MUC22: variants seen among roughly 807,000 people sequenced by gnomAD.
MUC22 encodes mucin 22.
MUC22 carries 24 observed loss-of-function variants against 40.3 expected under a neutral mutation model. The ratio of observed to expected loss-of-function variants is 0.60; its 90% CI spans 0.43 to 0.84. MUC22 has a LOEUF of 0.84. Ranked by LOEUF, MUC22 falls within the 40% of genes least tolerant of loss-of-function variation. The probability of loss-of-function intolerance (pLI) is 0.00; values close to 1 mark genes in which losing one functional copy is unlikely to be tolerated. For missense variants in MUC22, 1,926 were observed against 2,130.7 expected, an observed-to-expected ratio of 0.90 and a Z score of 1.89; for synonymous variants, 765 against 844.5, an observed-to-expected ratio of 0.91 and a Z score of 1.63.
rs544518345 is a variant in MUC22 at position 31,028,714 on chromosome 6, AC to A, written c.3285del (p.Thr1096ProfsTer36). On this transcript the variant is annotated frameshift_variant, in exon 2 of 4. Coordinates refer to ENST00000561890, the Ensembl canonical transcript of MUC22. LOFTEE classifies it high-confidence loss of function. ...AGCCTCTACAGCAGGCTCTGAGACCACCACCACCACCTCTACTGAAGGCTCT... is the reference window on the plus strand; with the variant it reads ...AGCCTCTACAGCAGGCTCTGAGACCACACCACCACCTCTACTGAAGGCTCT... 404 of 1,520,024 alleles carry A rather than the reference AC, an allele frequency of 2.7e-4. 32 individuals carry two copies. In the East Asian group the frequency reaches 0.01, roughly 39 times the overall value. 94.2% of individuals were successfully genotyped at this position (1,520,024 alleles called of 1,614,324 possible).
chr6:31,012,709 A>C (rs1017775912), intron 1 of MUC22, among the ~76,000 whole-genome samples: 1 of 152,176 alleles, frequency 6.6e-6, no homozygotes, highest in Non-Finnish European at 1.5e-5. Flanking sequence ...CTAGATCTAT[A>C]AAGTAACCAA....
chr6:31,028,122 A>C, exon 2 of MUC22: 8 of 1,533,350 alleles, frequency 5.2e-6, no homozygotes, highest in Middle Eastern at 3.3e-4. Context: ...AGACCACTAC[A>C]GTCTCCACCA....
At chr6:31,013,064 T>A (rs1763957480) in intron 1 of MUC22, among the ~76,000 whole-genome samples, 1 of 150,948 alleles carries the variant, frequency 6.6e-6, no homozygotes, top group Admixed American at 6.6e-5. Context: ...ATGATGTCCA[T>A]CCTAACGTCC....
rs113664736 is a variant in MUC22, at chr6:31,014,219, T to C, written c.70+3443T>C. 7.7e-3 allele frequency among the ~76,000 whole-genome samples: 1,164 copies of C among 152,080 alleles called. 14 individuals carry two copies. Among genetic ancestry groups the C allele is most frequent in the African/African-American group, 0.026 (1,082 of 41,442 alleles). On this transcript the variant is annotated intron_variant, in intron 1 of 3. Transcript: ENST00000561890. Reference sequence around the variant, plus strand: ...TTTTTGTTTTTCTAGATATTAATAATAGCCTCATTTTTAAAATGTCCATAG... The same window carrying C: ...TTTTTGTTTTTCTAGATATTAATAACAGCCTCATTTTTAAAATGTCCATAG...
exon 2 of MUC22, chr6:31,026,033 C>G: frequency 6.5e-7 from 1 of 1,529,992 alleles, no homozygotes; most frequent in Non-Finnish European, 8.8e-7. Context: ...ACCTCCACTG[C>G]AAGCTCTGAG....
intron 1 of MUC22, among the ~76,000 whole-genome samples, chr6:31,013,422 T>C (rs4713409): frequency 0.45 from 67,497 of 151,262 alleles, 15,229 homozygotes; most frequent in East Asian, 0.54. Context: ...CTACCGGGCC[T>C]GGCCCCTCAC....
upstream of MUC22, among the ~76,000 whole-genome samples, chr6:31,007,186 G>A (rs899366401): frequency 6.8e-6 from 1 of 146,010 alleles, no homozygotes; most frequent in African/African-American, 2.6e-5. The surrounding 1 kb of genome is among the most constrained non-coding windows in gnomAD (Gnocchi z 4.0). Flanking sequence ...AGACAGAGGA[G>A]GGAAAACAGC....
chr6:31,006,436 A>G (rs1399346690), upstream of MUC22, among the ~76,000 whole-genome samples: 2 of 152,210 alleles, frequency 1.3e-5, no homozygotes, highest in Non-Finnish European at 2.9e-5. Context: ...GGGGTGATGA[A>G]TAGGTGGAGC....
rs775508028 is a variant in MUC22 at position 31,029,533 on chromosome 6, G to A, written c.4102G>A (p.Ala1368Thr). The A allele has an allele frequency of 2.2e-5, 34 of 1,527,706 alleles. No individual in the cohort carries two copies. The highest frequency in any genetic ancestry group is 2.8e-5 in the African/African-American group (2 of 72,232). 94.6% of individuals were successfully genotyped at this position (1,527,706 alleles called of 1,614,324 possible). Residue 1368 changes from alanine (A) to threonine (T), a missense_variant, in exon 2 of 4, where the codon GCC (alanine) becomes ACC (threonine). By Grantham distance (58) the Ala-to-Thr change is moderately conservative. Coordinates refer to ENST00000561890, the Ensembl canonical transcript of MUC22. ...TATCACAGGCTCTAAGACTACCACC[G>A]CCTCTACTGAAGGCTCTGAGGCCAC...
intron 1 of MUC22, among the ~76,000 whole-genome samples, chr6:31,017,642 A>G (rs1445594203): frequency 6.6e-6 from 1 of 152,172 alleles, no homozygotes; most frequent in Non-Finnish European, 1.5e-5. Flanking sequence ...AAATGCACCA[A>G]TCAGTGCTCT....
At chr6:31,028,288 G>C (rs774126640) in exon 2 of MUC22, 1 of 1,534,616 alleles carries the variant, frequency 6.5e-7, no homozygotes, top group Admixed American at 2.0e-5. Context: ...CACAGGCTCT[G>C]AGACCACTAA....
chr6:31,016,844 C>T (rs948898235), intron 1 of MUC22, among the ~76,000 whole-genome samples: 1 of 152,224 alleles, frequency 6.6e-6, no homozygotes, highest in African/African-American at 2.4e-5. Flanking sequence ...CGGGCCAGCA[C>T]TAGTTCCAGG....
At chr6:31,026,635 G>A (rs6928386) in exon 2 of MUC22, 86,496 of 1,503,282 alleles carry the variant, frequency 0.058, 13,227 homozygotes, top group East Asian at 0.28. Flanking sequence ...AGTCTCCACC[G>A]TGGGCTCTGA....
Position 31,013,476 on chromosome 6 carries a change from C to T in MUC22, c.70+2700C>T, listed in dbSNP as rs114018188. Among the ~76,000 whole-genome samples the T allele has an allele frequency of 7.7e-3, 1,167 of 152,222 alleles. 13 individuals are homozygous for T. The highest frequency in any genetic ancestry group is 0.026 in the African/African-American group (1,084 of 41,538). ...TCCCCACACTTGCTATGTCACTTCT[C>T]ACCTCCCACTCACTTGTTTATTTTA... On this transcript the variant is annotated intron_variant, in intron 1 of 3. Coordinates refer to ENST00000561890, the Ensembl canonical transcript of MUC22.
exon 2 of MUC22, chr6:31,026,598 C>G (rs1242094249): frequency 6.6e-7 from 1 of 1,506,618 alleles, no homozygotes; most frequent in Non-Finnish European, 8.9e-7. Flanking sequence ...CCACCGTCAC[C>G]TCTACTGCAG....
intron 3 of MUC22, among the ~76,000 whole-genome samples, chr6:31,033,276 A>G (rs961896674): frequency 1.3e-5 from 2 of 151,670 alleles, no homozygotes; most frequent in South Asian, 4.1e-4. Flanking sequence ...AGAAAGGAAG[A>G]AAGAAAGAAA....
chr6:31,022,227 G>A (rs1052241645), intron 1 of MUC22, among the ~76,000 whole-genome samples: 4 of 152,294 alleles, frequency 2.6e-5, no homozygotes, highest in South Asian at 2.1e-4. Flanking sequence ...GTGAGACCAA[G>A]AACCCACCAA....
chr6:31,014,159 T>C (rs982225028), intron 1 of MUC22, among the ~76,000 whole-genome samples: 2 of 152,230 alleles, frequency 1.3e-5, no homozygotes, highest in Admixed American at 6.5e-5. Flanking sequence ...AACTGGGTCA[T>C]ATAATTGCAT....
Position 31,022,240 on chromosome 6 carries a change from C to T in MUC22, c.71-3262C>T, listed in dbSNP as rs756445011. On this transcript the variant is annotated intron_variant, in intron 1 of 3. Coordinates refer to ENST00000561890, the Ensembl canonical transcript of MUC22. ...CAGTGAGACCAAGAACCCACCAATT[C>T]CAGACACACTGGGTTCAAGCGATTT... Among the ~76,000 whole-genome samples the T allele has an allele frequency of 6.6e-4, 101 of 152,316 alleles. No homozygotes were observed. The Middle Eastern group carries it at 0.014, about 21-fold the overall frequency.
Sources: gnomAD v4.1 joint callset for allele counts (sites outside exome capture counted in the v4.1 genomes callset) on GRCh38, gnomAD v4.1.1 for gene constraint, Gnocchi (gnomAD v3.1) non-coding constraint, MANE v1.5 for transcripts, NCBI Gene and HGNC (gene_info 2026-07-23, HGNC 2026-07-21) for gene names.